MCC: variants seen among roughly 807,000 people sequenced by gnomAD.
MCC encodes MCC regulator of Wnt signaling pathway, also known as colorectal mutant cancer protein.
MCC carries 90 observed loss-of-function variants against 116.2 expected under a neutral mutation model. The ratio of observed to expected loss-of-function variants is 0.77; its 90% CI spans 0.65 to 0.92. The LOEUF is 0.92. Among genes scored for constraint, MCC ranks in the 40% least tolerant of loss-of-function variants. The pLI, the probability that MCC is intolerant of heterozygous loss-of-function variation, is 0.00. For synonymous variants in MCC, 578 were observed against 510.5 expected, an observed-to-expected ratio of 1.13 and a Z score of -1.78; for missense variants, 1,516 against 1,312.2, an observed-to-expected ratio of 1.16 and a Z score of -2.40.
At chr5:113,150,191 C>G (rs779401504) in intron 4 of MCC, among the ~76,000 whole-genome samples, 2 of 152,162 alleles carry the variant, frequency 1.3e-5, no homozygotes, top group Non-Finnish European at 2.9e-5. Flanking sequence ...CAGAGCCAGA[C>G]AGTGACAGAA....
chr5:113,400,399 A>G (rs1305294224), intron 1 of MCC, among the ~76,000 whole-genome samples: 1 of 152,030 alleles, frequency 6.6e-6, no homozygotes, highest in African/African-American at 2.4e-5. Flanking sequence ...CTGGGATTAC[A>G]AGCGTGAGTC....
intron 2 of MCC, among the ~76,000 whole-genome samples, chr5:113,365,311 T>C (rs372675649): frequency 2.0e-5 from 3 of 152,124 alleles, no homozygotes; most frequent in East Asian, 3.9e-4. Flanking sequence ...GTTCCACAGA[T>C]CCCTAGAGCA....
At chr5:113,454,346 C>G (rs1771482093) in intron 1 of MCC, among the ~76,000 whole-genome samples, 1 of 152,088 alleles carries the variant, frequency 6.6e-6, no homozygotes, top group African/African-American at 2.4e-5. Context: ...CTCAAGTGAT[C>G]CTCCCGCCTT....
At chr5:113,124,952 C>G (rs1405513339) in intron 5 of MCC, among the ~76,000 whole-genome samples, 1 of 152,176 alleles carries the variant, frequency 6.6e-6, no homozygotes, top group African/African-American at 2.4e-5. Flanking sequence ...GAGCAGCGCT[C>G]AAGATCAGTT....
chr5:113,471,326 A>C (rs894715402), intron 1 of MCC, among the ~76,000 whole-genome samples: 1 of 151,864 alleles, frequency 6.6e-6, no homozygotes, highest in African/African-American at 2.4e-5. Context: ...TTGGTCTTTG[A>C]TGATGGTGAC....
intron 4 of MCC, among the ~76,000 whole-genome samples, chr5:113,148,725 C>CT (rs1167936218): frequency 5.3e-5 from 8 of 152,014 alleles, no homozygotes; most frequent in South Asian, 2.1e-4. Flanking sequence ...ATAAGTCTGA[C>CT]TTTTTTTTCA....
At chr5:113,030,950 T>TA (rs562163368) in intron 17 of MCC, among the ~76,000 whole-genome samples, 16 of 152,322 alleles carry the variant, frequency 1.1e-4, no homozygotes, top group African/African-American at 3.8e-4. Context: ...AAGTGCGAGT[T>TA]AGAGTCATGT....
chr5:113,356,093 T>G (rs1392117976), intron 2 of MCC, among the ~76,000 whole-genome samples: 1 of 150,892 alleles, frequency 6.6e-6, no homozygotes, highest in Non-Finnish European at 1.5e-5. Context: ...GACAGGGTCT[T>G]GTTCTGTCAC....
chr5:113,305,911 C>T (rs936169131), intron 3 of MCC, among the ~76,000 whole-genome samples: 1 of 152,168 alleles, frequency 6.6e-6, no homozygotes, highest in Admixed American at 6.5e-5. Context: ...AGCAGTCACT[C>T]TGTATGTATC....
intron 11 of MCC, among the ~76,000 whole-genome samples, chr5:113,075,864 G>C (rs1754416351): frequency 6.6e-6 from 1 of 152,158 alleles, no homozygotes; most frequent in South Asian, 2.1e-4. Context: ...GTGAAGGTCT[G>C]CAGCTTCACT....
intron 3 of MCC, among the ~76,000 whole-genome samples, chr5:113,253,439 T>C (rs569422012): frequency 2.0e-5 from 3 of 152,186 alleles, no homozygotes; most frequent in Admixed American, 1.3e-4. Flanking sequence ...TCCTCTGGCA[T>C]TGTGGGAACC....
intron 3 of MCC, among the ~76,000 whole-genome samples, chr5:113,270,656 CTTT>C (rs1458254790): frequency 9.6e-5 from 14 of 145,430 alleles, no homozygotes; most frequent in African/African-American, 3.6e-4. Context: ...GCCCATTTAA[CTTT>C]TTTAGCATAC....
intron 1 of MCC, among the ~76,000 whole-genome samples, chr5:113,451,950 C>T (rs1451949325): frequency 6.6e-6 from 1 of 152,206 alleles, no homozygotes; most frequent in African/African-American, 2.4e-5. Context: ...GGGAGCCTGC[C>T]TAAGGCTGGA....
At chr5:113,435,842 A>C (rs2150413470) in intron 1 of MCC, 1 of 153,092 alleles carries the variant, frequency 6.5e-6, no homozygotes, top group Non-Finnish European at 1.5e-5. Flanking sequence ...TGGGGGCTGA[A>C]GGTGGGGCCT....
intron 2 of MCC, among the ~76,000 whole-genome samples, chr5:113,346,693 A>C (rs1768143011): frequency 6.6e-6 from 1 of 152,208 alleles, no homozygotes; most frequent in African/African-American, 2.4e-5. Context: ...TCAAACCTAG[A>C]GAAAGATATC....
intron 1 of MCC, chr5:113,436,585 C>G (rs537320539): frequency 6.6e-6 from 1 of 152,182 alleles, no homozygotes; most frequent in African/African-American, 2.4e-5. Flanking sequence ...AAACAGATTT[C>G]TTTGACATAT....
At chr5:113,416,154 G>T (rs1452026781) in intron 1 of MCC, among the ~76,000 whole-genome samples, 1 of 152,214 alleles carries the variant, frequency 6.6e-6, no homozygotes, top group African/African-American at 2.4e-5. Context: ...ACGCTGGGAG[G>T]TGCAGACCAG....
chr5:113,046,598 C>T (rs931568868), intron 16 of MCC, among the ~76,000 whole-genome samples: 1 of 149,536 alleles, frequency 6.7e-6, no homozygotes, highest in Admixed American at 6.7e-5. Flanking sequence ...CTGGCAAGAA[C>T]CTGGTAACTC....
chr5:113,430,975 C>T lies in MCC; in HGVS notation c.171-45763G>A, dbSNP rs372184449. Among the ~76,000 whole-genome samples, 45 of 152,012 alleles carry T rather than the reference C, an allele frequency of 3.0e-4. 1 individual carries two copies. The highest frequency in any genetic ancestry group is 9.6e-4 in the African/African-American group (40 of 41,468). On this transcript the variant is annotated intron_variant, in intron 1 of 18. Transcript: ENST00000408903. ...GCCTTGTTGAAAGCTAAAATGTGTA[C>T]GGTAGGAAGAGCAATGGTCTAAAAA...
Sources: gnomAD v4.1 joint callset for allele counts (sites outside exome capture counted in the v4.1 genomes callset) on GRCh38, gnomAD v4.1.1 for gene constraint, MANE v1.5 for transcripts, NCBI Gene and HGNC (gene_info 2026-07-23, HGNC 2026-07-21) for gene names.